Variants in WNT7B observed in about 807,000 individuals in gnomAD.
WNT7B encodes Wnt family member 7B, also known as protein Wnt-7b.
A neutral mutation model predicts 38.2 loss-of-function variants in WNT7B; 19 were observed. The ratio of observed to expected loss-of-function variants is 0.50; its 90% CI spans 0.35 to 0.73. The LOEUF is 0.73. WNT7B is among the 30% of genes least tolerant of loss of function. The pLI is 0.01. For missense variants in WNT7B, 423 were observed against 507.9 expected, an observed-to-expected ratio of 0.83 and a Z score of 1.61; for synonymous variants, 243 against 209.3, an observed-to-expected ratio of 1.16 and a Z score of -1.39.
intron 1 of WNT7B, among the ~76,000 whole-genome samples, chr22:45,958,185 C>G (rs1383414070): frequency 6.6e-6 from 1 of 152,224 alleles, no homozygotes; most frequent in Non-Finnish European, 1.5e-5. Context: ...CAGGAAGGAA[C>G]AGGGTTGTGG....
At position 45,921,299 on chromosome 22, in the gene WNT7B, C is replaced by T; in HGVS notation, c.*1557G>A. ...ATCCAGATTTTCTCAGCACTGGGGT[C>T]AGGGTAAAAGGACCAGGACAGGGCT... On this transcript the variant is annotated 3_prime_UTR_variant, in exon 4 of 4. Transcript: ENST00000339464. The T allele has an allele frequency of 6.6e-6, 1 of 152,444 alleles. No homozygotes were observed. 9.4% of individuals were successfully genotyped at this position (152,444 alleles called of 1,614,324 possible).
chr22:45,964,766 C>G (rs1019407992), intron 1 of WNT7B, among the ~76,000 whole-genome samples: 2 of 152,150 alleles, frequency 1.3e-5, no homozygotes, highest in Admixed American at 1.3e-4. Context: ...TGCTGGGTAC[C>G]GACTGAGTGA....
chr22:45,971,231 G>C (rs1372753727), intron 1 of WNT7B, among the ~76,000 whole-genome samples: 1 of 149,452 alleles, frequency 6.7e-6, no homozygotes, highest in Admixed American at 6.7e-5. Flanking sequence ...CGTGGCCCGC[G>C]TGTAAAGGAG....
rs996758780 is a variant in WNT7B, at chr22:45,920,752, GGGGATGA to G, written c.*2097_*2103del. 1.0e-4 allele frequency: 15 copies of G among 145,834 alleles called. No individual in the cohort carries two copies. Among genetic ancestry groups the G allele is most frequent in the African/African-American group, 3.8e-4 (15 of 39,494 alleles). 9.0% of individuals were successfully genotyped at this position (145,834 alleles called of 1,614,324 possible). Reference sequence around the variant, plus strand: ...ATGAGATGAGGGATGGGATGGGATGGGGGATGAGGGATGGGGGCCGCAGCCATCCCCC... The same window carrying G: ...ATGAGATGAGGGATGGGATGGGATGGGGGATGGGGGCCGCAGCCATCCCCC... On this transcript the variant is annotated 3_prime_UTR_variant, in exon 4 of 4. Transcript: ENST00000339464.
intron 3 of WNT7B, chr22:45,927,560 T>G: frequency 7.3e-7 from 1 of 1,374,218 alleles, no homozygotes; most frequent in Non-Finnish European, 1.0e-6. Context: ...TCACCCTGGG[T>G]TGTCCAAGTA....
At chr22:45,964,695 G>A (rs1361210017) in intron 1 of WNT7B, among the ~76,000 whole-genome samples, 4 of 152,094 alleles carry the variant, frequency 2.6e-5, no homozygotes, top group African/African-American at 7.3e-5. Context: ...CTGGGCAATC[G>A]GCCGTGACCT....
intron 2 of WNT7B, among the ~76,000 whole-genome samples, chr22:45,934,281 G>A (rs1335590895): frequency 6.6e-6 from 1 of 152,208 alleles, no homozygotes; most frequent in African/African-American, 2.4e-5. Context: ...TGAGGCTAAG[G>A]TGACCTGGGG....
Position 45,931,332 on chromosome 22 carries a change from C to A in WNT7B, c.336G>T (p.Ala112=). ...CGGTGACGGCGTGCGCCACGCCAGCCGCGGTGATGGCGTACGTGAAGGCAG... is the reference window on the plus strand; with the variant it reads ...CGGTGACGGCGTGCGCCACGCCAGCAGCGGTGATGGCGTACGTGAAGGCAG... The part of the protein sequence containing the change: ...REAAFTYAIT[A]AGVAHAVTAA... The change falls in exon 3 of 4, where the codon GCG becomes GCT. Residue 112 remains alanine, a synonymous_variant. Transcript: ENST00000339464. The A allele has an allele frequency of 6.3e-7, 1 of 1,596,018 alleles. No homozygotes were observed.
chr22:45,960,769 C>T (rs1339811538), intron 1 of WNT7B, among the ~76,000 whole-genome samples: 2 of 152,256 alleles, frequency 1.3e-5, no homozygotes, highest in African/African-American at 4.8e-5. Flanking sequence ...GAGGACAGCA[C>T]CTGGCCTCCG....
intron 3 of WNT7B, among the ~76,000 whole-genome samples, chr22:45,928,001 A>C (rs1479271413): frequency 6.6e-6 from 1 of 152,192 alleles, no homozygotes; most frequent in Admixed American, 6.5e-5. Context: ...CTGGGAGCTG[A>C]GGAATGCTGC....
chr22:45,931,701 G>A (rs1458832044), intron 2 of WNT7B, among the ~76,000 whole-genome samples: 1 of 152,190 alleles, frequency 6.6e-6, no homozygotes, highest in African/African-American at 2.4e-5. Context: ...CTGGGCAGGA[G>A]AGGCCCAGTT....
intron 3 of WNT7B, 135 bp from the exon 4 acceptor site, chr22:45,923,470 T>A: frequency 7.6e-7 from 1 of 1,309,558 alleles, no homozygotes; most frequent in Non-Finnish European, 1.0e-6. Context: ...TGAGTGTCTC[T>A]CCCTCTCTGA....
chr22:45,938,382 A>T (rs937109584), intron 2 of WNT7B, among the ~76,000 whole-genome samples: 6 of 152,058 alleles, frequency 3.9e-5, no homozygotes, highest in Non-Finnish European at 7.4e-5. Flanking sequence ...CACACCTGTA[A>T]TCTCAGCACT....
intron 1 of WNT7B, among the ~76,000 whole-genome samples, chr22:45,964,995 G>A (rs1932280553): frequency 6.6e-6 from 1 of 152,074 alleles, no homozygotes; most frequent in African/African-American, 2.4e-5. Context: ...TTGCCCAGAA[G>A]GGTCTTTCTA....
At chr22:45,952,042 C>T (rs10448600) in intron 1 of WNT7B, among the ~76,000 whole-genome samples, 76,966 of 151,962 alleles carry the variant, frequency 0.51, 21,188 homozygotes, top group African/African-American at 0.73. Context: ...CAGGCAGACC[C>T]GCAGGCAACA....
intron 2 of WNT7B, among the ~76,000 whole-genome samples, chr22:45,931,660 C>G (rs73175058): frequency 0.1 from 15,521 of 152,230 alleles, 1,020 homozygotes; most frequent in East Asian, 0.2. Flanking sequence ...GCATGCAGTG[C>G]TGCCGACAGC....
intron 3 of WNT7B, chr22:45,925,313 T>C (rs1409559248): frequency 1.0e-6 from 1 of 985,346 alleles, no homozygotes; most frequent in Non-Finnish European, 1.2e-6. Flanking sequence ...GGGTGTTTTC[T>C]GCTCTGCATC....
chr22:45,972,116 G>GACCCCCCCCCCCCCCCCCCCCCC, intron 1 of WNT7B: 1 of 530,746 alleles, frequency 1.9e-6, no homozygotes, highest in Non-Finnish European at 3.3e-6. Context: ...CCCGGGGGGA[G>GACCCCCCCCCCCCCCCCCCCCCC]CCCACCCGCC....
intron 1 of WNT7B, among the ~76,000 whole-genome samples, chr22:45,964,205 T>C (rs1157205440): frequency 1.3e-5 from 2 of 151,876 alleles, no homozygotes; most frequent in African/African-American, 4.8e-5. Flanking sequence ...CCCTATCCGG[T>C]GCTCTCTCCA....
Sources: allele counts gnomAD v4.1 joint callset (sites outside exome capture counted in the v4.1 genomes callset), GRCh38; gene constraint gnomAD v4.1.1; transcripts MANE v1.5; gene names NCBI Gene and HGNC (gene_info 2026-07-23, HGNC 2026-07-21).